NFIA: variants seen among roughly 807,000 people sequenced by gnomAD.
NFIA encodes nuclear factor I A.
NFIA carries 8 observed loss-of-function variants against 62.8 expected under a neutral mutation model. The observed-to-expected ratio is 0.13, with a 90% CI of 0.07 to 0.23. The LOEUF (loss-of-function observed/expected upper bound fraction) is 0.23, where lower values mean the gene tolerates loss of function less well. Ranked by LOEUF, NFIA falls within the 10% of genes least tolerant of loss-of-function variation. The pLI, the probability that NFIA is intolerant of heterozygous loss-of-function variation, is 1.00. For missense variants in NFIA, 410 were observed against 642.1 expected (o/e 0.64, Z 3.91); for synonymous variants, 235 against 238.1 (o/e 0.99, Z 0.12).
chr1:61,118,480 A>G (rs1337665870), intron 2 of NFIA, among the ~76,000 whole-genome samples: 1 of 152,216 alleles, frequency 6.6e-6, no homozygotes, highest in Non-Finnish European at 1.5e-5. Context: ...TGTGGGAAAC[A>G]GTATGTGGGT....
chr1:61,374,310 TC>T (rs1283900136), intron 6 of NFIA, among the ~76,000 whole-genome samples: 2 of 152,084 alleles, frequency 1.3e-5, no homozygotes, highest in Admixed American at 6.6e-5. Flanking sequence ...CTAAAATCAG[TC>T]CTTTCCTGAA....
chr1:61,377,476 A>G (rs1426734591), intron 6 of NFIA, among the ~76,000 whole-genome samples: 1 of 152,164 alleles, frequency 6.6e-6, no homozygotes, highest in Non-Finnish European at 1.5e-5. Flanking sequence ...AGTTATAAAA[A>G]TAGGTTGTTG....
At chr1:61,358,805 G>C (rs536476175) in intron 5 of NFIA, among the ~76,000 whole-genome samples, 5 of 149,244 alleles carry the variant, frequency 3.4e-5, no homozygotes, top group Non-Finnish European at 7.4e-5. Context: ...GCCACCACCT[G>C]TGGAGATAGG....
chr1:61,317,233 T>C (rs10889218), intron 3 of NFIA, among the ~76,000 whole-genome samples: 30,387 of 152,028 alleles, frequency 0.2, 3,331 homozygotes, highest in African/African-American at 0.28. Flanking sequence ...TTCTGTACAT[T>C]ATTTATGAAA....
intron 2 of NFIA, among the ~76,000 whole-genome samples, chr1:61,194,757 C>G (rs1557628131): frequency 6.6e-6 from 1 of 152,170 alleles, no homozygotes; most frequent in African/African-American, 2.4e-5. Context: ...GCCCTTCCCA[C>G]TATCCCATGC....
intron 2 of NFIA, among the ~76,000 whole-genome samples, chr1:61,143,841 A>G (rs1210942550): frequency 1.3e-5 from 2 of 152,166 alleles, no homozygotes; most frequent in South Asian, 2.1e-4. Flanking sequence ...AGGTTGAGAA[A>G]GGTGGTGTTA....
chr1:61,415,809 A>T (rs143768825), intron 9 of NFIA, among the ~76,000 whole-genome samples: 1 of 152,184 alleles, frequency 6.6e-6, no homozygotes, highest in African/African-American at 2.4e-5. Context: ...TTGTACCTAT[A>T]TTAGTACATA....
At chr1:61,361,853 T>C (rs1203243015) in intron 6 of NFIA, among the ~76,000 whole-genome samples, 2 of 149,936 alleles carry the variant, frequency 1.3e-5, no homozygotes, top group Admixed American at 6.7e-5. Context: ...TCTTAGAGAA[T>C]CCCTCACAGT....
At chr1:61,098,104 C>G (rs1480926933) in intron 2 of NFIA, among the ~76,000 whole-genome samples, 2 of 152,070 alleles carry the variant, frequency 1.3e-5, no homozygotes, top group Non-Finnish European at 2.9e-5. Flanking sequence ...GCATGTAAAC[C>G]CCTGTTGCAT....
At chr1:61,092,279 A>G (rs1646333026) in intron 2 of NFIA, among the ~76,000 whole-genome samples, 1 of 152,200 alleles carries the variant, frequency 6.6e-6, no homozygotes, top group South Asian at 2.1e-4. Flanking sequence ...AGTGACCACA[A>G]TTTGTCAGGT....
At chr1:61,199,999 AATATATATATGTATATATAT>A (rs1652311801) in intron 2 of NFIA, among the ~76,000 whole-genome samples, 1 of 116,288 alleles carries the variant, frequency 8.6e-6, no homozygotes, top group African/African-American at 3.5e-5. Flanking sequence ...CAACTCACAA[AATATATATATGTATATATAT>A]ATATATATAT....
intron 2 of NFIA, among the ~76,000 whole-genome samples, chr1:61,153,813 A>G (rs1335545995): frequency 1.3e-5 from 2 of 152,230 alleles, no homozygotes; most frequent in Non-Finnish European, 2.9e-5. Flanking sequence ...TTGTTTATCC[A>G]CATGCAGTTC....
intron 2 of NFIA, among the ~76,000 whole-genome samples, chr1:61,268,615 A>T (rs1228335915): frequency 6.6e-6 from 1 of 152,202 alleles, no homozygotes; most frequent in African/African-American, 2.4e-5. Context: ...ATTGAATAAA[A>T]GGAAAGCTGT....
chr1:61,374,684 A>G (rs1193896113), intron 6 of NFIA, among the ~76,000 whole-genome samples: 2 of 152,132 alleles, frequency 1.3e-5, no homozygotes, highest in Non-Finnish European at 2.9e-5. Flanking sequence ...GAAATCACTG[A>G]TGTCCCCAAG....
chr1:61,354,011 A>G (rs2100433362), intron 5 of NFIA, among the ~76,000 whole-genome samples: 1 of 152,338 alleles, frequency 6.6e-6, no homozygotes, highest in Non-Finnish European at 1.5e-5. Flanking sequence ...TTAATTTAAA[A>G]GTTTATGGGC....
chr1:61,199,275 G>C (rs984785829), intron 2 of NFIA, among the ~76,000 whole-genome samples: 1 of 152,174 alleles, frequency 6.6e-6, no homozygotes, highest in Admixed American at 6.5e-5. Context: ...AAAATTTAAT[G>C]AAGTAGGTCC....
At chr1:61,373,267 A>G (rs572992141) in intron 6 of NFIA, among the ~76,000 whole-genome samples, 12 of 152,324 alleles carry the variant, frequency 7.9e-5, no homozygotes, top group South Asian at 4.1e-4. Context: ...ATGCTTTGCC[A>G]TAATAAGATT....
intron 3 of NFIA, among the ~76,000 whole-genome samples, chr1:61,327,387 A>T (rs6670817): frequency 0.78 from 118,333 of 151,578 alleles, 46,495 homozygotes; most frequent in East Asian, 0.92. Context: ...ATATGTAGGC[A>T]TTTTTTTAAT....
At chr1:61,330,130 G>A (rs143293763) in intron 3 of NFIA, among the ~76,000 whole-genome samples, 2 of 152,224 alleles carry the variant, frequency 1.3e-5, no homozygotes, top group East Asian at 1.9e-4. Flanking sequence ...AAATGGATTC[G>A]GCTTTGCGCA....
Sources: allele counts gnomAD v4.1 joint callset (sites outside exome capture counted in the v4.1 genomes callset), GRCh38; gene constraint gnomAD v4.1.1; transcripts MANE v1.5; gene names NCBI Gene and HGNC (gene_info 2026-07-23, HGNC 2026-07-21).